Variants in PPEF1 observed in about 807,000 individuals in gnomAD.
The protein encoded by PPEF1 is serine/threonine-protein phosphatase with EF-hands 1.
PPEF1 carries 12 observed loss-of-function variants against 53.3 expected under a neutral mutation model. The ratio of observed to expected loss-of-function variants is 0.23; its 90% CI spans 0.14 to 0.36. The LOEUF (loss-of-function observed/expected upper bound fraction) is 0.36. Among genes scored for constraint, PPEF1 ranks in the 10% least tolerant of loss-of-function variants. The probability of loss-of-function intolerance (pLI) is 1.00; values close to 1 mark genes in which losing one functional copy is unlikely to be tolerated. For missense variants in PPEF1, 334 were observed against 490.4 expected, an observed-to-expected ratio of 0.68 and a Z score of 3.01; for synonymous variants, 165 against 176.7, an observed-to-expected ratio of 0.93 and a Z score of 0.52.
chrX:18,742,492 T>A (rs2045201382), intron 3 of PPEF1, among the ~76,000 whole-genome samples: 1 of 111,761 alleles, frequency 8.9e-6, no homozygotes, highest in Non-Finnish European at 1.9e-5. Context: ...AGCTCACTCA[T>A]CTAGCTGGAC....
intron 6 of PPEF1, among the ~76,000 whole-genome samples, chrX:18,770,980 A>G (rs1348603513): frequency 3.6e-5 from 4 of 112,578 alleles, no homozygotes; most frequent in Non-Finnish European, 7.5e-5. Context: ...GCAGTCACCC[A>G]GGTGATTCTA....
At chrX:18,733,900 T>C in intron 3 of PPEF1, 92 bp downstream of exon 3, 1 of 734,283 alleles carries the variant, frequency 1.4e-6, no homozygotes. Flanking sequence ...GAGAACACTA[T>C]GAAATTAAAA....
At chrX:18,759,810 G>T (rs185819126) in intron 5 of PPEF1, among the ~76,000 whole-genome samples, 18 of 111,651 alleles carry the variant, frequency 1.6e-4, no homozygotes, top group Non-Finnish European at 2.8e-4. Context: ...GCATGTATTT[G>T]GTTAATCTTG....
chrX:18,782,298 CT>C, intron 7 of PPEF1, 67 bp from the exon 8 acceptor site: 1 of 933,326 alleles, frequency 1.1e-6, no homozygotes, highest in Admixed American at 2.8e-5. Context: ...AAGGGCTTCC[CT>C]TTTTGCATGA....
intron 11 of PPEF1, among the ~76,000 whole-genome samples, 188 bp downstream of exon 11, chrX:18,804,265 A>G (rs184184317): frequency 9.2e-6 from 1 of 109,138 alleles, no homozygotes; most frequent in Non-Finnish European, 1.9e-5. Context: ...CCTAAAAGAT[A>G]TTTGGTTTAT....
intron 3 of PPEF1, among the ~76,000 whole-genome samples, chrX:18,738,010 A>T (rs2045033659): frequency 9.1e-6 from 1 of 110,057 alleles, no homozygotes; most frequent in African/African-American, 3.3e-5. Context: ...TTTTGAGCCT[A>T]TGTGTGTCTC....
chrX:18,801,402 T>C (rs1424350863), intron 10 of PPEF1, among the ~76,000 whole-genome samples: 1 of 112,018 alleles, frequency 8.9e-6, no homozygotes. Flanking sequence ...TGTACAATCA[T>C]GTTTAGCAAT....
At chrX:18,823,870 C>G in intron 13 of PPEF1, 53 bp from the exon 14 acceptor site, 1 of 1,168,850 alleles carries the variant, frequency 8.6e-7, no homozygotes, top group Non-Finnish European at 1.2e-6. Context: ...AGGTTGCATT[C>G]TTTAAAATCA....
chrX:18,734,291 A>G (rs113274653), intron 3 of PPEF1, among the ~76,000 whole-genome samples: 675 of 33,655 alleles, frequency 0.02, 7 homozygotes, highest in African/African-American at 0.074. Context: ...CCCCAACCCC[A>G]TAACAGGCCC....
chrX:18,681,292 C>G (rs762085171), upstream of PPEF1, among the ~76,000 whole-genome samples: 6 of 111,950 alleles, frequency 5.4e-5, no homozygotes, highest in South Asian at 1.5e-3. Flanking sequence ...CACTAAATTT[C>G]TACATATTTA....
intron 6 of PPEF1, among the ~76,000 whole-genome samples, chrX:18,773,168 T>C (rs2045901365): frequency 8.9e-6 from 1 of 112,727 alleles, no homozygotes; most frequent in Non-Finnish European, 1.9e-5. Flanking sequence ...TAATTCAATC[T>C]GAATAACACA....
chrX:18,705,945 AGTT>A (rs926944034), upstream of PPEF1, among the ~76,000 whole-genome samples: 1 of 110,961 alleles, frequency 9.0e-6, no homozygotes, highest in African/African-American at 3.3e-5. Context: ...TAGATATGTC[AGTT>A]GTTTGCTGAC....
intron 1 of PPEF1, among the ~76,000 whole-genome samples, chrX:18,725,768 G>A (rs1450280696): frequency 9.0e-6 from 1 of 111,670 alleles, no homozygotes; most frequent in East Asian, 2.8e-4. Flanking sequence ...GCTGGGGTGG[G>A]GTGGGGCAGT....
At chrX:18,751,653 GC>G (rs1191629548) in intron 4 of PPEF1, among the ~76,000 whole-genome samples, 4 of 112,040 alleles carry the variant, frequency 3.6e-5, no homozygotes, top group Non-Finnish European at 7.5e-5. Flanking sequence ...GGTGGCTCAT[GC>G]CTGTAATCCC....
upstream of PPEF1, among the ~76,000 whole-genome samples, chrX:18,678,073 G>A (rs1928739798): frequency 2.0e-5 from 2 of 98,697 alleles, no homozygotes; most frequent in Admixed American, 1.1e-4. Flanking sequence ...CGAGGCTGTC[G>A]TGAGCCATGA....
chrX:18,794,729 G>T (rs192412348), intron 10 of PPEF1, among the ~76,000 whole-genome samples: 938 of 112,301 alleles, frequency 8.4e-3, no homozygotes, highest in Middle Eastern at 0.014. Context: ...CTTCTGTAAC[G>T]CAGAGCTGAG....
intron 6 of PPEF1, among the ~76,000 whole-genome samples, chrX:18,700,700 G>A (rs1476731497): frequency 8.9e-6 from 1 of 111,860 alleles, no homozygotes; most frequent in Non-Finnish European, 1.9e-5. Context: ...ACAGTCACTT[G>A]GATTGAGAGC....
intron 3 of PPEF1, among the ~76,000 whole-genome samples, chrX:18,740,369 C>G (rs1323277951): frequency 9.1e-6 from 1 of 110,153 alleles, no homozygotes; most frequent in African/African-American, 3.3e-5. Flanking sequence ...GCAAATTAAA[C>G]ACAGTTGGCC....
At chrX:18,787,959 A>G in intron 9 of PPEF1, among the ~76,000 whole-genome samples, 1 of 110,792 alleles carries the variant, frequency 9.0e-6, no homozygotes, top group Admixed American at 9.6e-5. Context: ...ACCTCAGAAT[A>G]AGATTCAATT....
Sources: gnomAD v4.1 joint callset for allele counts (sites outside exome capture counted in the v4.1 genomes callset) on GRCh38, gnomAD v4.1.1 for gene constraint, MANE v1.5 for transcripts, NCBI Gene and HGNC (gene_info 2026-07-23, HGNC 2026-07-21) for gene names.